The following CTNNA3 variants were observed in gnomAD, a reference collection of about 807,000 sequenced individuals.
CTNNA3 encodes the protein catenin alpha-3.
A neutral mutation model predicts 95.7 loss-of-function variants in CTNNA3; 76 were observed. The ratio of observed to expected loss-of-function variants is 0.79; its 90% confidence interval spans 0.66 to 0.96. CTNNA3 has a LOEUF of 0.96. Among genes scored for constraint, CTNNA3 ranks in the 40% least tolerant of loss-of-function variants. The pLI is 0.00. For missense variants in CTNNA3, 1,191 were observed against 1,089.8 expected, an observed-to-expected ratio of 1.09 and a Z score of -1.31; for synonymous variants, 431 against 374.4, an observed-to-expected ratio of 1.15 and a Z score of -1.74.
intron 2 of CTNNA3, among the ~76,000 whole-genome samples, chr10:67,607,684 G>C (rs1413594733): frequency 6.6e-6 from 1 of 152,138 alleles, no homozygotes; most frequent in Admixed American, 6.6e-5. Context: ...CAGTGCTGTT[G>C]GTACACCTAC....
At chr10:66,513,832 C>A (rs1389735831) in intron 11 of CTNNA3, among the ~76,000 whole-genome samples, 1 of 152,168 alleles carries the variant, frequency 6.6e-6, no homozygotes, top group Non-Finnish European at 1.5e-5. Flanking sequence ...GAGAGCCTCC[C>A]TGACGTGCAG....
At chr10:67,013,595 G>A (rs894336691) in intron 7 of CTNNA3, among the ~76,000 whole-genome samples, 1 of 152,066 alleles carries the variant, frequency 6.6e-6, no homozygotes, top group African/African-American at 2.4e-5. Flanking sequence ...ACTTGTTGAT[G>A]GCTATGAGTA....
chr10:66,361,231 A>T (rs982891766), intron 12 of CTNNA3, among the ~76,000 whole-genome samples: 1 of 151,212 alleles, frequency 6.6e-6, no homozygotes, highest in Non-Finnish European at 1.5e-5. Flanking sequence ...AGCCCCCTAA[A>T]GTATTGGGAT....
intron 1 of CTNNA3, among the ~76,000 whole-genome samples, chr10:67,716,117 ATCAAT>A (rs1589579192): frequency 6.6e-6 from 1 of 152,318 alleles, no homozygotes; most frequent in Non-Finnish European, 1.5e-5. Flanking sequence ...CATTATTAAA[ATCAAT>A]TCATGTTATC....
chr10:67,342,163 G>A (rs1162599293), intron 5 of CTNNA3, among the ~76,000 whole-genome samples: 4 of 144,782 alleles, frequency 2.8e-5, no homozygotes, highest in South Asian at 2.2e-4. Context: ...GTGCAAAGGC[G>A]CGGTCTCGGC....
intron 5 of CTNNA3, among the ~76,000 whole-genome samples, chr10:67,503,425 C>T (rs1308376404): frequency 6.6e-6 from 1 of 152,102 alleles, no homozygotes; most frequent in African/African-American, 2.4e-5. Flanking sequence ...CCCTCTTGCC[C>T]CTATATGTCT....
intron 13 of CTNNA3, among the ~76,000 whole-genome samples, chr10:66,213,953 G>A (rs538341065): frequency 2.3e-4 from 35 of 152,316 alleles, no homozygotes; most frequent in African/African-American, 7.7e-4. Flanking sequence ...CTTAAAATAT[G>A]AAATCAGCAG....
chr10:66,816,701 C>A (rs1842104443), intron 7 of CTNNA3, among the ~76,000 whole-genome samples: 1 of 152,012 alleles, frequency 6.6e-6, no homozygotes, highest in Non-Finnish European at 1.5e-5. Context: ...ATAGAACACT[C>A]CATCTAAAAA....
chr10:66,089,884 A>T (rs1251740888), intron 14 of CTNNA3, among the ~76,000 whole-genome samples: 1 of 151,908 alleles, frequency 6.6e-6, no homozygotes, highest in Non-Finnish European at 1.5e-5. Context: ...ATAGCAAACA[A>T]AACCAAGCGA....
chr10:67,701,452 G>C (rs1350280867), intron 1 of CTNNA3, among the ~76,000 whole-genome samples: 1 of 152,216 alleles, frequency 6.6e-6, no homozygotes, highest in African/African-American at 2.4e-5. Context: ...CAAGCCAGAA[G>C]AGAGTGGAGG....
intron 7 of CTNNA3, among the ~76,000 whole-genome samples, chr10:67,074,563 G>T (rs1358406240): frequency 6.6e-6 from 1 of 151,728 alleles, no homozygotes; most frequent in East Asian, 1.9e-4. Context: ...TGTTAGCCAG[G>T]ATGGTCTCGA....
At chr10:66,106,337 T>G (rs10996898) in intron 13 of CTNNA3, among the ~76,000 whole-genome samples, 10 of 145,550 alleles carry the variant, frequency 6.9e-5, no homozygotes, top group African/African-American at 2.1e-4. Context: ...GTGTGTGTGT[T>G]TGTGTGTGTG....
intron 7 of CTNNA3, among the ~76,000 whole-genome samples, chr10:66,894,182 C>T (rs111693317): frequency 2.1e-4 from 32 of 151,872 alleles, no homozygotes; most frequent in Non-Finnish European, 3.2e-4. Context: ...AATTTATACA[C>T]GTTAATTTTT....
chr10:65,971,374 G>T, intron 16 of CTNNA3, among the ~76,000 whole-genome samples: 1 of 106,500 alleles, frequency 9.4e-6, no homozygotes, highest in Admixed American at 9.4e-5. Context: ...GAAGACCAAA[G>T]TTGTGTTTTT....
intron 11 of CTNNA3, among the ~76,000 whole-genome samples, chr10:66,445,124 A>C (rs914265153): frequency 6.6e-6 from 1 of 152,118 alleles, no homozygotes; most frequent in Non-Finnish European, 1.5e-5. Flanking sequence ...AGAGCTAACT[A>C]TCCTAAATAT....
chr10:66,047,191 GGCCAAT>G (rs1280250390), intron 15 of CTNNA3, among the ~76,000 whole-genome samples: 12 of 152,110 alleles, frequency 7.9e-5, no homozygotes, highest in Non-Finnish European at 1.5e-4. Flanking sequence ...GAAAACTTCA[GGCCAAT>G]GTCCTTGATG....
intron 7 of CTNNA3, among the ~76,000 whole-genome samples, chr10:67,096,852 AT>A (rs1186174950): frequency 6.6e-6 from 1 of 151,816 alleles, no homozygotes; most frequent in Non-Finnish European, 1.5e-5. Context: ...GGAACCATAG[AT>A]TTTTCCTGGG....
At chr10:66,672,854 C>T (rs1474518447) in intron 9 of CTNNA3, among the ~76,000 whole-genome samples, 2 of 152,054 alleles carry the variant, frequency 1.3e-5, no homozygotes, top group African/African-American at 4.8e-5. Context: ...ATCCAAAAAG[C>T]TCTTAAGATT....
At position 66,023,312 on chromosome 10, in the gene CTNNA3, T is replaced by A. The variant is rs529267539; in HGVS notation, c.2160-34515A>T. 6.4e-4 allele frequency among the ~76,000 whole-genome samples: 98 copies of A among 152,318 alleles called. 1 individual carries two copies. Among genetic ancestry groups the A allele is most frequent in the African/African-American group, 2.3e-3 (94 of 41,584 alleles). On this transcript the variant is annotated intron_variant, in intron 15 of 17. Transcript: ENST00000433211. ...GAGGAATCAGTCACAACTTTGCATT[T>A]AGTAAACATTTTTGGAAAATGTAGA...
Sources: gnomAD v4.1 joint callset for allele counts (sites outside exome capture counted in the v4.1 genomes callset) on GRCh38, gnomAD v4.1.1 for gene constraint, MANE v1.5 for transcripts, NCBI Gene and HGNC (gene_info 2026-07-23, HGNC 2026-07-21) for gene names.